The following IKBKB variants were observed in gnomAD, a reference collection of about 807,000 sequenced individuals.
The protein encoded by IKBKB is inhibitor of nuclear factor kappa B kinase subunit beta.
IKBKB carries 42 observed loss-of-function variants against 113.6 expected under a neutral mutation model. The ratio of observed to expected loss-of-function variants is 0.37; its 90% CI spans 0.29 to 0.48. The LOEUF (loss-of-function observed/expected upper bound fraction) is 0.48, where lower values mean the gene tolerates loss of function less well. Ranked by LOEUF, IKBKB falls within the 20% of genes least tolerant of loss-of-function variation. The probability of loss-of-function intolerance (pLI) is 0.99; values close to 1 mark genes in which losing one functional copy is unlikely to be tolerated. For missense variants in IKBKB, 673 were observed against 939.7 expected, an observed-to-expected ratio of 0.72 and a Z score of 3.71; for synonymous variants, 296 against 361.3, an observed-to-expected ratio of 0.82 and a Z score of 2.05.
intron 19 of IKBKB, 59 bp downstream of exon 19, chr8:42,322,553 T>G: frequency 6.4e-7 from 1 of 1,574,596 alleles, no homozygotes. Context: ...CCTTTCCACC[T>G]CTGTGCACTG....
intron 8 of IKBKB, among the ~76,000 whole-genome samples, chr8:42,310,803 T>G (rs887168288): frequency 6.6e-6 from 1 of 152,244 alleles, no homozygotes; most frequent in African/African-American, 2.4e-5. Context: ...AATAGGTTAC[T>G]ATAATCTTCA....
chr8:42,271,781 C>T (rs1937285375), intron 1 of IKBKB: 3 of 505,142 alleles, frequency 5.9e-6, no homozygotes, highest in East Asian at 3.6e-5. Context: ...CAGGCCCGGG[C>T]GCCCCTGGTG....
Position 42,290,246 on chromosome 8 carries a change from G to A in IKBKB, c.291G>A (p.Glu97=). The change falls in exon 4 of 22, where the codon GAG becomes GAA. Residue 97 remains glutamate (E), a synonymous_variant. Transcript: ENST00000520810. ...ATGACCTGCCCCTGCTGGCCATGGA[G>A]TACTGCCAAGGAGGAGATCTCCGGA... The part of the protein sequence containing the change: ...APNDLPLLAM[E]YCQGGDLRKY... The A allele has an allele frequency of 1.2e-6, 2 of 1,613,364 alleles. No individual in the cohort carries two copies. Among genetic ancestry groups the A allele is most frequent in the Non-Finnish European group, 1.7e-6 (2 of 1,179,608 alleles).
At chr8:42,279,696 G>T (rs1370275551) in intron 2 of IKBKB, among the ~76,000 whole-genome samples, 1 of 152,120 alleles carries the variant, frequency 6.6e-6, no homozygotes, top group Non-Finnish European at 1.5e-5. Context: ...ACCTGCGTCT[G>T]TTCGGAACCC....
chr8:42,304,535 T>C (rs1243457751), intron 5 of IKBKB, among the ~76,000 whole-genome samples: 1 of 152,178 alleles, frequency 6.6e-6, no homozygotes, highest in Non-Finnish European at 1.5e-5. Flanking sequence ...ATGCCCCTTA[T>C]TTTATGTCCC....
chr8:42,325,104 TG>T, intron 19 of IKBKB: 1 of 386,464 alleles, frequency 2.6e-6, no homozygotes, highest in Non-Finnish European at 3.5e-6. Context: ...GCTACATGGG[TG>T]GGTTGGGGAC....
chr8:42,318,322 G>T (rs1399009565), intron 12 of IKBKB, among the ~76,000 whole-genome samples: 1 of 152,074 alleles, frequency 6.6e-6, no homozygotes, highest in Non-Finnish European at 1.5e-5. Context: ...GTGTCCAATG[G>T]TTCGTAAAGT....
rs78448523 is a variant in IKBKB, at chr8:42,326,011, G to A, written c.2028G>A (p.Met676Ile). Residue 676 changes from methionine (M) to isoleucine (I), a missense_variant, in exon 20 of 22, where the codon ATG (methionine) becomes ATA (isoleucine). Met to Ile is a conservative substitution (Grantham distance 10). This residue lies in a region of IKBKB where 506 missense variants were observed against 638.7 expected (regional missense o/e 0.79). Transcript: ENST00000520810. ...CTGTCAGTGGAAGCCCGGATAGCAT[G>A]AATGCCTCTCGACTTAGCCAGCCTG... ...RGPVSGSPDS[M>I]NASRLSQPGQ... The A allele has an allele frequency of 1.1e-3, 1,805 of 1,614,214 alleles. 24 individuals carry two copies. The African/African-American group carries it at 0.018, about 16-fold the overall frequency.
intron 21 of IKBKB, among the ~76,000 whole-genome samples, chr8:42,330,533 T>C (rs886080675): frequency 2.6e-5 from 4 of 152,048 alleles, no homozygotes; most frequent in African/African-American, 9.7e-5. Flanking sequence ...TTTTTTGAGA[T>C]GGAGTCTTGC....
At chr8:42,320,927 C>T (rs1344411988) in intron 16 of IKBKB, 83 bp downstream of exon 16, 1 of 815,508 alleles carries the variant, frequency 1.2e-6, no homozygotes, top group Non-Finnish European at 1.9e-6. Flanking sequence ...AGGGCACCCT[C>T]AGTGGCTGTG....
At chr8:42,275,023 T>A (rs1368517007) in intron 2 of IKBKB, among the ~76,000 whole-genome samples, 1 of 150,678 alleles carries the variant, frequency 6.6e-6, no homozygotes, top group Non-Finnish European at 1.5e-5. Flanking sequence ...ATTATAGCCG[T>A]GCACCACCAC....
chr8:42,311,926 G>C (rs1817783365), intron 8 of IKBKB, among the ~76,000 whole-genome samples: 1 of 151,796 alleles, frequency 6.6e-6, no homozygotes, highest in Non-Finnish European at 1.5e-5. Flanking sequence ...TCGCTTTTTT[G>C]CCCAGGCTGG....
rs200515855 is a variant in IKBKB, at chr8:42,317,807, C to T, written c.1240+36C>T. The T allele has an allele frequency of 1.3e-4, 182 of 1,428,838 alleles. 2 individuals are homozygous for T. In the South Asian group the frequency reaches 1.9e-3, roughly 15 times the overall value. The allele number at this position is 1,428,838 out of a possible 1,614,324, so 88.5% of individuals were successfully genotyped here. A position where few individuals can be genotyped will look rare whatever the true frequency, so the allele number is the denominator to read the frequency against. On this transcript the variant is annotated intron_variant, in intron 12 of 21. Transcript: ENST00000520810. ...GTTATGTTTTGTTTTTCTAAATAAT[C>T]CGTTATAATATGTGGGACAAGGCAG...
At chr8:42,280,109 A>C (rs1341583093) in intron 2 of IKBKB, among the ~76,000 whole-genome samples, 2 of 152,162 alleles carry the variant, frequency 1.3e-5, no homozygotes, top group Non-Finnish European at 2.9e-5. Context: ...TGGCCTCCCA[A>C]AGTGCTGGGA....
intron 5 of IKBKB, among the ~76,000 whole-genome samples, chr8:42,304,607 G>A (rs979707628): frequency 7.2e-5 from 11 of 152,184 alleles, no homozygotes; most frequent in African/African-American, 2.7e-4. Flanking sequence ...CTGTATGTGT[G>A]GGAGGTGTCC....
At position 42,316,648 on chromosome 8, in the gene IKBKB, C is replaced by A; in HGVS notation, c.931-62C>A. The A allele has an allele frequency of 6.8e-7, 1 of 1,479,588 alleles. No individual in the cohort carries two copies. Among genetic ancestry groups the A allele is most frequent in the Non-Finnish European group, 9.2e-7 (1 of 1,084,896 alleles). 91.7% of individuals were successfully genotyped at this position (1,479,588 alleles called of 1,614,324 possible). Reference sequence around the variant, plus strand: ...GGGAGTAGCAGAGAGAGGACCTAGGCAAATAGATGGGCATTTCCTTGAAGA... The same window carrying A: ...GGGAGTAGCAGAGAGAGGACCTAGGAAAATAGATGGGCATTTCCTTGAAGA... On this transcript the variant is annotated intron_variant, in intron 10 of 21. Transcript: ENST00000520810. This position sits in a 1 kb window ranked among gnomAD's most constrained non-coding sequence, Gnocchi z 4.5.
intron 17 of IKBKB, 27 bp from the exon 18 acceptor site, chr8:42,322,027 G>A (rs1298146249): frequency 6.2e-7 from 1 of 1,610,212 alleles, no homozygotes; most frequent in Admixed American, 1.7e-5. Flanking sequence ...CTTCCTTGAG[G>A]AACTATGCTA....
intron 2 of IKBKB, among the ~76,000 whole-genome samples, chr8:42,276,001 C>G (rs182488830): frequency 6.6e-5 from 10 of 152,198 alleles, no homozygotes; most frequent in Admixed American, 5.9e-4. Flanking sequence ...CCACCATACC[C>G]GGCTAATTTT....
At chr8:42,298,172 C>T (rs1814306538) in intron 5 of IKBKB, 2 of 985,318 alleles carry the variant, frequency 2.0e-6, no homozygotes, top group Admixed American at 1.2e-4. Flanking sequence ...GCTCAAAATT[C>T]TGGGCACTCA....
Sources: gnomAD v4.1 joint callset for allele counts (sites outside exome capture counted in the v4.1 genomes callset) on GRCh38, gnomAD v4.1.1 for gene constraint, gnomAD v4.1.1 regional missense constraint, Gnocchi (gnomAD v3.1) non-coding constraint, MANE v1.5 for transcripts, NCBI Gene and HGNC (gene_info 2026-07-23, HGNC 2026-07-21) for gene names.